CDH10: variants seen among roughly 807,000 people sequenced by gnomAD.
CDH10 encodes cadherin 10.
In CDH10, 30 loss-of-function variants were observed where a neutral mutation model predicts 73.1. That is an observed-to-expected ratio of 0.41 (90% CI 0.31 to 0.56). CDH10 has a LOEUF of 0.56. CDH10 is among the 20% of genes least tolerant of loss of function. The pLI is 0.27. For synonymous variants in CDH10, 345 were observed against 348.2 expected (o/e 0.99, Z 0.10); for missense variants, 815 against 973.7 (o/e 0.84, Z 2.17).
intron 2 of CDH10, among the ~76,000 whole-genome samples, chr5:24,581,385 T>C (rs988003346): frequency 5.3e-5 from 8 of 152,220 alleles, no homozygotes; most frequent in Non-Finnish European, 1.5e-5. Context: ...GAGGAAGCAT[T>C]GATCACCATG....
chr5:24,619,294 C>T (rs541614647), intron 1 of CDH10, among the ~76,000 whole-genome samples: 3 of 152,048 alleles, frequency 2.0e-5, no homozygotes, highest in East Asian at 3.9e-4. Flanking sequence ...CCCGGGTTCA[C>T]GCCATTCTCC....
At chr5:24,637,937 A>C (rs983462210) in intron 1 of CDH10, among the ~76,000 whole-genome samples, 1 of 151,756 alleles carries the variant, frequency 6.6e-6, no homozygotes, top group Non-Finnish European at 1.5e-5. Flanking sequence ...CGACCTACCT[A>C]GAAACAGGCT....
At chr5:24,514,739 C>G (rs1263883407) in intron 5 of CDH10, among the ~76,000 whole-genome samples, 1 of 152,060 alleles carries the variant, frequency 6.6e-6, no homozygotes, top group Non-Finnish European at 1.5e-5. Context: ...TTCATTATTA[C>G]TAGTATCTAT....
chr5:24,511,200 C>G lies in CDH10; in HGVS notation c.1002+127G>C, dbSNP rs1232624893. ...GCTTTATGTCTTTCTTATGTATGCA[C>G]AGTATAAATTACATTGCTGGAAAAT... On this transcript the variant is annotated intron_variant, in intron 6 of 11. Coordinates refer to ENST00000264463, the MANE Select transcript of CDH10 (RefSeq NM_006727.5). The G allele has an allele frequency of 1.1e-5, 7 of 665,134 alleles. No individual in the cohort carries two copies. The African/African-American group carries it at 1.3e-4, about 12-fold the overall frequency. 41.2% of individuals were successfully genotyped at this position (665,134 alleles called of 1,614,324 possible). A position where few individuals can be genotyped will look rare whatever the true frequency, so the allele number is the denominator to read the frequency against.
At chr5:24,577,875 A>C (rs1035706264) in intron 2 of CDH10, among the ~76,000 whole-genome samples, 1 of 152,186 alleles carries the variant, frequency 6.6e-6, no homozygotes, top group Non-Finnish European at 1.5e-5. Flanking sequence ...AGTGTTGTTA[A>C]AGAGCACAAT....
chr5:24,525,953 A>G lies in CDH10; in HGVS notation c.814+9159T>C, dbSNP rs940012277. Among the ~76,000 whole-genome samples, 3 of 152,194 alleles carry G rather than the reference A, an allele frequency of 2.0e-5. 1 individual carries two copies. ...CATCAATAGATAATACACAATGGCA[A>G]TGTGTAGAAACAATAAAAGCATATA... On this transcript the variant is annotated intron_variant, in intron 5 of 11. Coordinates refer to ENST00000264463, the MANE Select transcript of CDH10 (RefSeq NM_006727.5).
intron 5 of CDH10, among the ~76,000 whole-genome samples, chr5:24,513,020 T>G: frequency 6.6e-6 from 1 of 150,552 alleles, no homozygotes; most frequent in African/African-American, 2.5e-5. Flanking sequence ...TTTCTTTCTT[T>G]GTTTCTTTTC....
intron 2 of CDH10, among the ~76,000 whole-genome samples, chr5:24,545,620 G>T (rs994310587): frequency 2.6e-5 from 4 of 151,956 alleles, no homozygotes; most frequent in African/African-American, 9.7e-5. Flanking sequence ...ATCAAGACCA[G>T]TCTAGGCAAC....
intron 5 of CDH10, among the ~76,000 whole-genome samples, chr5:24,518,574 A>T (rs1115578): frequency 6.6e-6 from 1 of 151,512 alleles, no homozygotes; most frequent in African/African-American, 2.4e-5. Flanking sequence ...CCTTATTCAC[A>T]GTCTTTAGTA....
intron 1 of CDH10, among the ~76,000 whole-genome samples, chr5:24,624,376 A>T (rs1207461497): frequency 6.6e-6 from 1 of 152,142 alleles, no homozygotes; most frequent in African/African-American, 2.4e-5. Context: ...ATTATCAAAT[A>T]TTCCTGTTAA....
In CDH10 at chr5:24,592,731, T is replaced by C. The variant is rs180823576; in HGVS notation, c.231+529A>G. Among the ~76,000 whole-genome samples, 255 of 151,900 alleles carry C rather than the reference T, an allele frequency of 1.7e-3. 1 individual carries two copies. Among genetic ancestry groups the C allele is most frequent in the African/African-American group, 5.9e-3 (246 of 41,530 alleles). On this transcript the variant is annotated intron_variant, in intron 2 of 11. Transcript: ENST00000264463. ...GTTTTTCTTTATACAAATGCACCCA[T>C]AGTGTGACCTAAGAAAAATAAATAA...
chr5:24,512,535 C>T (rs1023158450), intron 5 of CDH10, among the ~76,000 whole-genome samples: 2 of 152,070 alleles, frequency 1.3e-5, no homozygotes, highest in Admixed American at 6.6e-5. Flanking sequence ...TTACTTGTGA[C>T]AGCAGGAACA....
At chr5:24,637,468 A>G (rs904219464) in intron 1 of CDH10, among the ~76,000 whole-genome samples, 13 of 151,978 alleles carry the variant, frequency 8.6e-5, no homozygotes, top group African/African-American at 3.1e-4. Context: ...TGATATTTCC[A>G]TTGTAAATTA....
intron 3 of CDH10, among the ~76,000 whole-genome samples, chr5:24,536,705 T>C (rs1743965880): frequency 6.6e-6 from 1 of 152,018 alleles, no homozygotes; most frequent in Non-Finnish European, 1.5e-5. Context: ...GAAATTCTAC[T>C]TTCTTGAATG....
Position 24,488,703 on chromosome 5 carries a change from G to A in CDH10, c.1877-550C>T, listed in dbSNP as rs139505565. On this transcript the variant is annotated intron_variant, in intron 11 of 11. Coordinates refer to ENST00000264463, the MANE Select transcript of CDH10 (RefSeq NM_006727.5). Reference sequence around the variant, plus strand: ...TTTGTTACTTTACTAAAAGAATGCTGTAATTATTGGAAAAAAAACAGATTA... The same window carrying A: ...TTTGTTACTTTACTAAAAGAATGCTATAATTATTGGAAAAAAAACAGATTA... Among the ~76,000 whole-genome samples the A allele has an allele frequency of 4.3e-3, 652 of 151,522 alleles. 4 individuals are homozygous for A. The highest frequency in any genetic ancestry group is 0.015 in the African/African-American group (627 of 41,328).
chr5:24,613,693 G>C (rs1747032106), intron 1 of CDH10, among the ~76,000 whole-genome samples: 1 of 152,038 alleles, frequency 6.6e-6, no homozygotes, highest in Non-Finnish European at 1.5e-5. Context: ...AAACTTCGAG[G>C]CACATGAATT....
chr5:24,570,099 G>A (rs1324666421), intron 2 of CDH10, among the ~76,000 whole-genome samples: 1 of 151,990 alleles, frequency 6.6e-6, no homozygotes, highest in Non-Finnish European at 1.5e-5. Flanking sequence ...ATTTGTTTTT[G>A]TCTGAAATTG....
intron 1 of CDH10, among the ~76,000 whole-genome samples, chr5:24,597,301 A>G (rs943338043): frequency 3.3e-5 from 5 of 152,092 alleles, no homozygotes; most frequent in African/African-American, 1.2e-4. Flanking sequence ...CATTTCTAAT[A>G]TGTTCACCTA....
intron 2 of CDH10, among the ~76,000 whole-genome samples, chr5:24,575,668 C>T (rs564275341): frequency 6.2e-4 from 95 of 152,190 alleles, no homozygotes; most frequent in Middle Eastern, 3.4e-3. Context: ...AACAAACATA[C>T]GTTCACTTAA....
Sources: allele counts gnomAD v4.1 joint callset (sites outside exome capture counted in the v4.1 genomes callset), GRCh38; gene constraint gnomAD v4.1.1; transcripts MANE v1.5; gene names NCBI Gene and HGNC (gene_info 2026-07-23, HGNC 2026-07-21).